The following SLC25A24 variants were observed in gnomAD, a reference collection of about 807,000 sequenced individuals.
SLC25A24 encodes solute carrier family 25 member 24.
A neutral mutation model predicts 60.7 loss-of-function variants in SLC25A24; 49 were observed. The ratio of observed to expected loss-of-function variants is 0.81; its 90% CI spans 0.64 to 1.02. The LOEUF (loss-of-function observed/expected upper bound fraction) is 1.02. Ranked by LOEUF, SLC25A24 falls within the 50% of genes least tolerant of loss-of-function variation. SLC25A24 has a pLI of 0.00. For synonymous variants in SLC25A24, 202 were observed against 200.6 expected, an observed-to-expected ratio of 1.01 and a Z score of -0.06; for missense variants, 564 against 586.3, an observed-to-expected ratio of 0.96 and a Z score of 0.39.
chr1:108,189,881 A>G (rs866286880), intron 1 of SLC25A24, among the ~76,000 whole-genome samples: 1 of 150,068 alleles, frequency 6.7e-6, no homozygotes, highest in African/African-American at 2.5e-5. Context: ...ATATATATAT[A>G]TATGTATATA....
Position 108,200,336 on chromosome 1 carries a change from C to T in SLC25A24, c.-198G>A. The stretch of plus-strand genomic sequence containing the variant: ...ACCCCACCCGAGCCCGCGCGGAGCG[C>T]AGGGTGTGGCCGTCCCGCCGCTGCT... On this transcript the variant is annotated 5_prime_UTR_variant, in exon 1 of 10. Coordinates refer to ENST00000565488, the MANE Select transcript of SLC25A24 (RefSeq NM_013386.5). The T allele has an allele frequency of 3.2e-6, 1 of 315,720 alleles. No homozygotes were observed. Among genetic ancestry groups the T allele is most frequent in the Non-Finnish European group, 5.6e-6 (1 of 179,506 alleles). The allele number at this position is 315,720 out of a possible 1,614,324, so 19.6% of individuals were successfully genotyped here.
intron 2 of SLC25A24, among the ~76,000 whole-genome samples, chr1:108,185,181 C>T (rs1311671956): frequency 6.6e-6 from 1 of 152,130 alleles, no homozygotes; most frequent in Non-Finnish European, 1.5e-5. Context: ...GCCTCCAGAA[C>T]TATAAGAAAT....
chr1:108,152,374 A>AT (rs536570670), intron 6 of SLC25A24, among the ~76,000 whole-genome samples: 197 of 149,814 alleles, frequency 1.3e-3, no homozygotes, highest in Middle Eastern at 3.4e-3. Context: ...TTATTTATTT[A>AT]TTTTTTTTTT....
chr1:108,147,913 G>C (rs1679650619), intron 7 of SLC25A24, among the ~76,000 whole-genome samples: 1 of 149,874 alleles, frequency 6.7e-6, no homozygotes, highest in Non-Finnish European at 1.5e-5. Context: ...CTCTCTCTCT[G>C]TTGGACCACT....
At position 108,143,623 on chromosome 1, in the gene SLC25A24, A is replaced by C; in HGVS notation, c.1018T>G (p.Leu340Val). The C allele has an allele frequency of 2.5e-6, 4 of 1,613,838 alleles. No homozygotes were observed. Among genetic ancestry groups the C allele is most frequent in the Non-Finnish European group, 3.4e-6 (4 of 1,179,756 alleles). ...ACATAGCCTTTGTAAAAAGCTCCCA[A>C]GCCTTCATGTTTCAAAATCTTCTTG... Reference protein sequence around the residue: ...CAKKILKHEGLGAFYKGYVPN... With the variant: ...CAKKILKHEGVGAFYKGYVPN... The change falls in exon 8 of 10, where the codon TTG (leucine) becomes GTG (valine). Residue 340 changes from leucine (L) to valine (V), a missense_variant. Leu to Val is a conservative substitution (Grantham distance 32, BLOSUM62 1). Coordinates refer to ENST00000565488, the MANE Select transcript of SLC25A24 (RefSeq NM_013386.5).
intron 6 of SLC25A24, among the ~76,000 whole-genome samples, chr1:108,150,583 CAAGG>C (rs1019228909): frequency 1.3e-4 from 20 of 152,304 alleles, no homozygotes; most frequent in African/African-American, 4.8e-4. Flanking sequence ...CTCAGGAGCT[CAAGG>C]AAGAGTAGAG....
At chr1:108,143,515 C>T in intron 8 of SLC25A24, 28 bp downstream of exon 8, 1 of 1,583,034 alleles carries the variant, frequency 6.3e-7, no homozygotes, top group Non-Finnish European at 8.6e-7. Flanking sequence ...ACTGCATTTT[C>T]CAATTCAAAA....
chr1:108,183,810 G>C (rs777240967), intron 2 of SLC25A24, among the ~76,000 whole-genome samples: 2 of 152,174 alleles, frequency 1.3e-5, no homozygotes, highest in Non-Finnish European at 2.9e-5. Context: ...TATGAGAGCT[G>C]AAACAAGAAG....
intron 6 of SLC25A24, among the ~76,000 whole-genome samples, chr1:108,149,625 G>T (rs1048012183): frequency 6.6e-5 from 10 of 152,262 alleles, no homozygotes; most frequent in African/African-American, 2.4e-4. Flanking sequence ...ATGGGAATTA[G>T]CCAGGCAAGC....
At chr1:108,143,949 C>A (rs1038977252) in intron 7 of SLC25A24, among the ~76,000 whole-genome samples, 1 of 152,124 alleles carries the variant, frequency 6.6e-6, no homozygotes, top group Non-Finnish European at 1.5e-5. Context: ...GAAATGGAAG[C>A]AAGATAATCT....
At chr1:108,145,604 G>A (rs1679567835) in intron 7 of SLC25A24, among the ~76,000 whole-genome samples, 1 of 151,976 alleles carries the variant, frequency 6.6e-6, no homozygotes, top group Non-Finnish European at 1.5e-5. Flanking sequence ...GTGTAAGGAA[G>A]GGGTCCAGTT....
chr1:108,192,194 A>G (rs896105900), intron 1 of SLC25A24, among the ~76,000 whole-genome samples: 2 of 138,848 alleles, frequency 1.4e-5, no homozygotes, highest in Non-Finnish European at 3.1e-5. Context: ...CTGGGTGACT[A>G]ATGACAGGTG....
intron 2 of SLC25A24, among the ~76,000 whole-genome samples, chr1:108,185,032 G>GGC: frequency 6.6e-6 from 1 of 152,212 alleles, no homozygotes; most frequent in South Asian, 2.1e-4. Context: ...TTCAGAGTAG[G>GGC]GCCCCCATGA....
chr1:108,145,569 CTTGAG>C (rs1022123908), intron 7 of SLC25A24, among the ~76,000 whole-genome samples: 2 of 132,974 alleles, frequency 1.5e-5, no homozygotes, highest in African/African-American at 2.7e-5. Flanking sequence ...TTTAATCTAT[CTTGAG>C]TTAATTTTTT....
intron 1 of SLC25A24, chr1:108,198,843 T>A (rs1648576317): frequency 6.6e-6 from 1 of 152,298 alleles, no homozygotes; most frequent in Admixed American, 6.5e-5. Flanking sequence ...TTTCCTGGGC[T>A]GCTTCCAGCC....
chr1:108,189,677 G>C (rs1407159105), intron 1 of SLC25A24, among the ~76,000 whole-genome samples: 1 of 151,804 alleles, frequency 6.6e-6, no homozygotes, highest in East Asian at 1.9e-4. Context: ...TTAGCCAGGA[G>C]TGGTGGCACA....
At chr1:108,153,117 T>C (rs773637195) in intron 6 of SLC25A24, among the ~76,000 whole-genome samples, 6 of 152,080 alleles carry the variant, frequency 3.9e-5, no homozygotes, top group Non-Finnish European at 8.8e-5. Context: ...AGGAAGATGT[T>C]GGAGTGGAAA....
At chr1:108,194,160 T>C (rs113938883) in intron 1 of SLC25A24, among the ~76,000 whole-genome samples, 2,183 of 138,632 alleles carry the variant, frequency 0.016, 222 homozygotes, top group African/African-American at 0.053. Context: ...AAACAGACCA[T>C]CACATGTCCT....
At chr1:108,195,887 CT>C (rs1481425575) in intron 1 of SLC25A24, among the ~76,000 whole-genome samples, 1 of 151,896 alleles carries the variant, frequency 6.6e-6, no homozygotes, top group Non-Finnish European at 1.5e-5. Flanking sequence ...GTAATCTCAG[CT>C]GCTTGGGAGG....
Sources: gnomAD v4.1 joint callset for allele counts (sites outside exome capture counted in the v4.1 genomes callset) on GRCh38, gnomAD v4.1.1 for gene constraint, MANE v1.5 for transcripts, NCBI Gene and HGNC (gene_info 2026-07-23, HGNC 2026-07-21) for gene names.